The following ITPR1 variants were observed in gnomAD, a reference collection of about 807,000 sequenced individuals.
The protein encoded by ITPR1 is inositol 1,4,5-trisphosphate-gated calcium channel ITPR1.
ITPR1 carries 96 observed loss-of-function variants against 318.4 expected under a neutral mutation model. The observed-to-expected ratio is 0.30, with a 90% CI of 0.26 to 0.36. The LOEUF is 0.36. Among genes scored for constraint, ITPR1 ranks in the 10% least tolerant of loss-of-function variants. The probability of loss-of-function intolerance (pLI) is 1.00; values close to 1 mark genes in which losing one functional copy is unlikely to be tolerated. For synonymous variants in ITPR1, 1,312 were observed against 1,289.9 expected (o/e 1.02, Z -0.37); for missense variants, 2,440 against 3,460.2 (o/e 0.71, Z 7.40).
chr3:4,811,552 A>C lies in ITPR1; in HGVS notation c.7468+92A>C, dbSNP rs192306800. ...GAAAATAACGACTTTAGTAATGCAG[A>C]TATCTCCCCATTGTATCTCCCTAAC... On this transcript the variant is annotated intron_variant, in intron 56 of 61. Transcript: ENST00000649015. 41 of 970,252 alleles carry C rather than the reference A, an allele frequency of 4.2e-5. 2 individuals carry two copies. In the Admixed American group the frequency reaches 6.8e-4, roughly 16 times the overall value. 60.1% of individuals were successfully genotyped at this position (970,252 alleles called of 1,614,324 possible).
chr3:4,706,475 C>T lies in ITPR1; in HGVS notation c.4842+124C>T, dbSNP rs1054247333. ...CGTGGGAAGATGTCGGTGTGCTGAACGAATAGTCAAATGTTATATATGTAG... is the reference window on the plus strand; with the variant it reads ...CGTGGGAAGATGTCGGTGTGCTGAATGAATAGTCAAATGTTATATATGTAG... On this transcript the variant is annotated intron_variant, in intron 37 of 61. Transcript: ENST00000649015. 4.3e-5 allele frequency: 34 copies of T among 799,436 alleles called. No homozygotes were observed. The African/African-American group carries it at 4.3e-4, about 10-fold the overall frequency. The allele number at this position is 799,436 out of a possible 1,614,324, so 49.5% of individuals were successfully genotyped here. A position where few individuals can be genotyped will look rare whatever the true frequency, so the allele number is the denominator to read the frequency against.
rs143118243 is a variant in ITPR1, at chr3:4,792,590, T to A, written c.6809-2475T>A. On this transcript the variant is annotated intron_variant, in intron 52 of 61. Transcript: ENST00000649015. ...GCTCCTTGGTGCTCTTACGTGGCTGTCGGCAGGAGGCCTCAGGTCCCCTCC... is the reference window on the plus strand; with the variant it reads ...GCTCCTTGGTGCTCTTACGTGGCTGACGGCAGGAGGCCTCAGGTCCCCTCC... Among the ~76,000 whole-genome samples, 464 of 152,258 alleles carry A rather than the reference T, an allele frequency of 3.0e-3. 3 individuals carry two copies. Among genetic ancestry groups the A allele is most frequent in the African/African-American group, 0.01 (434 of 41,556 alleles).
At chr3:4,694,489 G>A (rs1007282692) in intron 33 of ITPR1, among the ~76,000 whole-genome samples, 3 of 152,054 alleles carry the variant, frequency 2.0e-5, no homozygotes, top group Non-Finnish European at 4.4e-5. Flanking sequence ...GTGTCGCTTA[G>A]TGGTGGGGAT....
At chr3:4,656,712 G>A (rs773567011) in intron 12 of ITPR1, among the ~76,000 whole-genome samples, 9 of 152,140 alleles carry the variant, frequency 5.9e-5, no homozygotes, top group South Asian at 2.1e-4. Context: ...TTTGATTTCC[G>A]TTTCTTGATT....
intron 51 of ITPR1, among the ~76,000 whole-genome samples, chr3:4,787,337 C>CAAAAAAAAAA (rs71053443): frequency 3.9e-5 from 2 of 51,346 alleles, no homozygotes; most frequent in Admixed American, 3.2e-4. Flanking sequence ...GACTCCATCT[C>CAAAAAAAAAA]AAAAAAAAAA....
At chr3:4,713,615 C>T (rs745702934) in intron 39 of ITPR1, among the ~76,000 whole-genome samples, 1 of 151,988 alleles carries the variant, frequency 6.6e-6, no homozygotes, top group Non-Finnish European at 1.5e-5. Flanking sequence ...CAGGGGATGC[C>T]GCATGAGAAA....
intron 61 of ITPR1, among the ~76,000 whole-genome samples, chr3:4,837,421 G>A (rs2051001503): frequency 6.6e-6 from 1 of 151,990 alleles, no homozygotes; most frequent in African/African-American, 2.4e-5. Context: ...TTTCTCAGTG[G>A]CTTACTGAGT....
chr3:4,809,427 A>T (rs887390413), intron 55 of ITPR1, among the ~76,000 whole-genome samples: 3 of 152,224 alleles, frequency 2.0e-5, no homozygotes, highest in African/African-American at 7.2e-5. Flanking sequence ...CATTTTTGAC[A>T]GGAAAATGTT....
intron 44 of ITPR1, among the ~76,000 whole-genome samples, chr3:4,761,600 C>T (rs77085038): frequency 1.3e-5 from 2 of 152,180 alleles, no homozygotes; most frequent in Non-Finnish European, 2.9e-5. Flanking sequence ...GAAGGGCTAC[C>T]TCACACCTGC....
intron 33 of ITPR1, among the ~76,000 whole-genome samples, chr3:4,694,690 T>C (rs993715171): frequency 1.3e-5 from 2 of 152,220 alleles, no homozygotes; most frequent in African/African-American, 4.8e-5. Context: ...CAATTGTATT[T>C]GTGTATGTAA....
chr3:4,636,681 G>A (rs1334496171), intron 5 of ITPR1, among the ~76,000 whole-genome samples: 2 of 151,828 alleles, frequency 1.3e-5, no homozygotes, highest in African/African-American at 2.4e-5. Context: ...CGCCTGCCTC[G>A]GCCTCCCAGA....
chr3:4,652,903 G>A (rs576841667), intron 11 of ITPR1, among the ~76,000 whole-genome samples: 6 of 152,190 alleles, frequency 3.9e-5, no homozygotes, highest in South Asian at 2.1e-4. Context: ...CAGGAGAATC[G>A]CTTGAACACG....
intron 4 of ITPR1, among the ~76,000 whole-genome samples, chr3:4,538,562 A>G (rs528668314): frequency 1.3e-5 from 2 of 152,318 alleles, no homozygotes; most frequent in East Asian, 1.9e-4. Flanking sequence ...ACCCAAGGGA[A>G]TATAAATCAT....
chr3:4,626,092 TTGTC>T (rs1028132841), intron 4 of ITPR1, among the ~76,000 whole-genome samples: 3 of 151,998 alleles, frequency 2.0e-5, no homozygotes, highest in African/African-American at 7.3e-5. Context: ...TGTGCTATGA[TTGTC>T]TGTGAATAGC....
At chr3:4,820,548 C>T (rs1275063868) in intron 60 of ITPR1, among the ~76,000 whole-genome samples, 1 of 152,226 alleles carries the variant, frequency 6.6e-6, no homozygotes, top group African/African-American at 2.4e-5. Flanking sequence ...CCAACCCGGT[C>T]AGAGCCTGCT....
intron 44 of ITPR1, among the ~76,000 whole-genome samples, chr3:4,752,030 A>G (rs2044570380): frequency 1.3e-5 from 2 of 152,052 alleles, no homozygotes; most frequent in African/African-American, 4.8e-5. Flanking sequence ...CCAATTTCCT[A>G]TTCCTGGGTT....
intron 11 of ITPR1, among the ~76,000 whole-genome samples, chr3:4,652,902 C>T (rs570527214): frequency 3.3e-5 from 5 of 152,180 alleles, no homozygotes; most frequent in African/African-American, 4.8e-5. Flanking sequence ...GCAGGAGAAT[C>T]GCTTGAACAC....
intron 11 of ITPR1, 64 bp from the exon 12 acceptor site, chr3:4,653,778 A>G (rs1449653705): frequency 8.2e-7 from 1 of 1,217,170 alleles, no homozygotes; most frequent in Non-Finnish European, 1.2e-6. Flanking sequence ...GTCTCCTGCA[A>G]GTGGGGCCCA....
At chr3:4,715,218 A>G (rs933476510) in intron 39 of ITPR1, among the ~76,000 whole-genome samples, 4 of 152,228 alleles carry the variant, frequency 2.6e-5, no homozygotes, top group Non-Finnish European at 5.9e-5. Flanking sequence ...CTGCATTATC[A>G]GTGAACAGAT....
Sources: allele counts gnomAD v4.1 joint callset (sites outside exome capture counted in the v4.1 genomes callset), GRCh38; gene constraint gnomAD v4.1.1; transcripts MANE v1.5; gene names NCBI Gene and HGNC (gene_info 2026-07-23, HGNC 2026-07-21).